COPG2: variants seen among roughly 807,000 people sequenced by gnomAD.
COPG2 encodes coat protein complex I subunit gamma 2.
In COPG2, 37 loss-of-function variants were observed where a neutral mutation model predicts 46.3. The observed-to-expected ratio is 0.80, with a 90% CI of 0.61 to 1.05. The LOEUF (loss-of-function observed/expected upper bound fraction) is 1.05. Among genes scored for constraint, COPG2 ranks in the 50% least tolerant of loss-of-function variants. The pLI is 0.00. For missense variants in COPG2, 427 were observed against 387.8 expected (o/e 1.10, Z -0.85); for synonymous variants, 159 against 129.7 (o/e 1.23, Z -1.53).
chr7:130,649,893 A>G (rs1795703345), intron 5 of COPG2, among the ~76,000 whole-genome samples: 1 of 152,242 alleles, frequency 6.6e-6, no homozygotes, highest in Admixed American at 6.5e-5. Flanking sequence ...TGCTGTAACA[A>G]AGTACCACAA....
At chr7:130,572,622 T>A (rs1223870363) in intron 9 of COPG2, among the ~76,000 whole-genome samples, 2 of 151,892 alleles carry the variant, frequency 1.3e-5, no homozygotes, top group African/African-American at 4.8e-5. Context: ...AACTCAGGGA[T>A]CAAGAAGAAA....
At chr7:130,508,166 C>T (rs1799532879) in intron 21 of COPG2, 3 of 252,926 alleles carry the variant, frequency 1.2e-5, no homozygotes, top group African/African-American at 6.7e-5. Context: ...TCTGTGAAGG[C>T]TTTTTAATCC....
At chr7:130,537,001 G>T (rs1799886711) in intron 20 of COPG2, among the ~76,000 whole-genome samples, 1 of 151,932 alleles carries the variant, frequency 6.6e-6, no homozygotes, top group East Asian at 1.9e-4. Context: ...GGTGGGAGGA[G>T]GGTGGGACTG....
At chr7:130,588,314 A>G (rs1318916687) in intron 9 of COPG2, among the ~76,000 whole-genome samples, 1 of 151,978 alleles carries the variant, frequency 6.6e-6, no homozygotes, top group Non-Finnish European at 1.5e-5. Flanking sequence ...CCAAAGGACT[A>G]CAAATCATGC....
chr7:130,574,806 A>G (rs1793975025), intron 9 of COPG2, among the ~76,000 whole-genome samples: 3 of 152,190 alleles, frequency 2.0e-5, no homozygotes, highest in Admixed American at 2.0e-4. Flanking sequence ...AAAAAATGAT[A>G]CAAGAAGTGA....
chr7:130,658,250 T>A (rs1554460155), intron 4 of COPG2, among the ~76,000 whole-genome samples: 5 of 152,174 alleles, frequency 3.3e-5, no homozygotes, highest in Non-Finnish European at 7.3e-5. Flanking sequence ...TGGATGAATC[T>A]CACATGCATT....
intron 20 of COPG2, among the ~76,000 whole-genome samples, chr7:130,541,130 G>A (rs961339001): frequency 1.4e-4 from 21 of 152,154 alleles, no homozygotes; most frequent in Non-Finnish European, 2.8e-4. Flanking sequence ...TCAGGTGTGG[G>A]AACACAGTTC....
intron 4 of COPG2, among the ~76,000 whole-genome samples, chr7:130,655,341 T>C (rs1795828410): frequency 6.6e-6 from 1 of 152,196 alleles, no homozygotes; most frequent in Admixed American, 6.5e-5. Flanking sequence ...AGGTAATAAT[T>C]ACTTATGAAT....
chr7:130,574,859 AC>A (rs1394419884), intron 9 of COPG2, among the ~76,000 whole-genome samples: 9 of 152,326 alleles, frequency 5.9e-5, no homozygotes, highest in African/African-American at 1.7e-4. Flanking sequence ...AAGAAAAAAA[AC>A]AATCAAAAAT....
intron 21 of COPG2, 192 bp from the exon 22 acceptor site, chr7:130,508,015 G>A (rs1799529800): frequency 1.8e-6 from 1 of 551,138 alleles, no homozygotes; most frequent in Non-Finnish European, 3.2e-6. Context: ...CATCTGGCAA[G>A]AGCCTCAGAT....
chr7:130,639,745 C>G (rs1795425294), intron 5 of COPG2, among the ~76,000 whole-genome samples: 1 of 152,176 alleles, frequency 6.6e-6, no homozygotes, highest in Admixed American at 6.5e-5. Flanking sequence ...ACATGTAGTG[C>G]TTTGGTAAAT....
chr7:130,608,786 T>C (rs1794783968), intron 9 of COPG2, among the ~76,000 whole-genome samples: 1 of 152,156 alleles, frequency 6.6e-6, no homozygotes, highest in African/African-American at 2.4e-5. Flanking sequence ...TTACTTGTAA[T>C]ATATATGACT....
At chr7:130,573,904 T>C (rs1793956173) in intron 9 of COPG2, among the ~76,000 whole-genome samples, 1 of 152,150 alleles carries the variant, frequency 6.6e-6, no homozygotes, top group Admixed American at 6.5e-5. Context: ...ATAATAGAAA[T>C]GGTATGGTTA....
intron 14 of COPG2, 76 bp from the exon 15 acceptor site, chr7:130,552,506 T>C (rs1793547880): frequency 2.5e-6 from 1 of 397,358 alleles, no homozygotes; most frequent in Non-Finnish European, 4.4e-6. Flanking sequence ...GAAAAAAAAT[T>C]AGAAAAGTGT....
chr7:130,652,776 CTATTGGCTTTCT>C, intron 5 of COPG2, 81 bp downstream of exon 5: 1 of 790,140 alleles, frequency 1.3e-6, no homozygotes, highest in East Asian at 2.7e-5. Flanking sequence ...TTTTAAATTC[CTATTGGCTTTCT>C]TATGGTCAAA....
At chr7:130,508,084 G>A in intron 21 of COPG2, 1 of 397,444 alleles carries the variant, frequency 2.5e-6, no homozygotes. Flanking sequence ...TGACCACTGA[G>A]TTCTGGGCAC....
Position 130,507,211 on chromosome 7 carries a change from A to G in COPG2, c.2485+63T>C, listed in dbSNP as rs558108906. 2.6e-5 allele frequency: 20 copies of G among 775,280 alleles called. No homozygotes were observed. The African/African-American group carries it at 3.2e-4, about 12-fold the overall frequency. The allele number at this position is 775,280 out of a possible 1,614,324, so 48.0% of individuals were successfully genotyped here. On this transcript the variant is annotated intron_variant, in intron 23 of 23. Transcript: ENST00000425248. ...GACAACAGCAAGGCATAAGATGCCCATCTATATCCTATTATTAAGCTTTGC... is the reference window on the plus strand; with the variant it reads ...GACAACAGCAAGGCATAAGATGCCCGTCTATATCCTATTATTAAGCTTTGC...
At chr7:130,540,431 C>CAATA (rs1264244190) in intron 20 of COPG2, among the ~76,000 whole-genome samples, 52 of 152,016 alleles carry the variant, frequency 3.4e-4, no homozygotes, top group African/African-American at 1.1e-3. Context: ...GGAAAACTGA[C>CAATA]AATAGTAAGC....
intron 20 of COPG2, among the ~76,000 whole-genome samples, chr7:130,512,422 T>C (rs1359486990): frequency 1.3e-5 from 2 of 151,856 alleles, no homozygotes; most frequent in African/African-American, 4.8e-5. Flanking sequence ...GAATGGATTA[T>C]TGCTACTAGA....
Sources: allele counts gnomAD v4.1 joint callset (sites outside exome capture counted in the v4.1 genomes callset), GRCh38; gene constraint gnomAD v4.1.1; transcripts MANE v1.5; gene names NCBI Gene and HGNC (gene_info 2026-07-23, HGNC 2026-07-21).